The following PCDH9 variants were observed in gnomAD, a reference collection of about 807,000 sequenced individuals.
The protein encoded by PCDH9 is protocadherin-9.
Under a neutral mutation model 70.6 loss-of-function variants are expected in PCDH9, and 24 were observed. The observed-to-expected ratio is 0.34, with a 90% CI of 0.25 to 0.48. The LOEUF is 0.48. Among genes scored for constraint, PCDH9 ranks in the 20% least tolerant of loss-of-function variants. PCDH9 has a pLI of 0.99. For synonymous variants in PCDH9, 562 were observed against 558.5 expected, an observed-to-expected ratio of 1.01 and a Z score of -0.09; for missense variants, 1,281 against 1,503.6, an observed-to-expected ratio of 0.85 and a Z score of 2.45.
intron 4 of PCDH9, among the ~76,000 whole-genome samples, chr13:66,491,900 T>G (rs1306845245): frequency 6.6e-6 from 1 of 152,150 alleles, no homozygotes; most frequent in Non-Finnish European, 1.5e-5. Flanking sequence ...ACTGTGATAC[T>G]GGTAGGCCCC....
chr13:66,488,808 T>C (rs753711352), intron 4 of PCDH9, among the ~76,000 whole-genome samples: 4 of 152,182 alleles, frequency 2.6e-5, no homozygotes, highest in Non-Finnish European at 4.4e-5. Context: ...AAAGTGCTAG[T>C]AATCCATCTT....
At chr13:66,991,030 C>T (rs367882917) in intron 2 of PCDH9, 2 of 151,914 alleles carry the variant, frequency 1.3e-5, no homozygotes, top group Non-Finnish European at 2.9e-5. Flanking sequence ...TTAATATTAG[C>T]GGGTTTTTAG....
chr13:67,199,592 C>G (rs1593607940), intron 2 of PCDH9, among the ~76,000 whole-genome samples: 1 of 151,712 alleles, frequency 6.6e-6, no homozygotes, highest in South Asian at 2.1e-4. Flanking sequence ...AATTACAGCT[C>G]ATGAAAAAAT....
At chr13:66,541,135 T>C (rs567602318) in intron 4 of PCDH9, among the ~76,000 whole-genome samples, 6 of 152,160 alleles carry the variant, frequency 3.9e-5, no homozygotes, top group Non-Finnish European at 8.8e-5. Flanking sequence ...ATTACACTTA[T>C]CCATTTCACT....
chr13:66,356,945 A>C (rs1466126875), intron 4 of PCDH9, among the ~76,000 whole-genome samples: 7 of 152,010 alleles, frequency 4.6e-5, no homozygotes, highest in Non-Finnish European at 1.0e-4. Context: ...GACATTGTAG[A>C]CTTGAAAAAG....
intron 3 of PCDH9, among the ~76,000 whole-genome samples, chr13:66,639,874 G>A (rs1051714507): frequency 6.6e-5 from 10 of 152,074 alleles, no homozygotes; most frequent in Non-Finnish European, 1.5e-4. Flanking sequence ...TGCCCAGTAG[G>A]AATGTGGTAC....
chr13:67,174,856 T>C (rs1013526253), intron 2 of PCDH9, among the ~76,000 whole-genome samples: 1 of 151,880 alleles, frequency 6.6e-6, no homozygotes, highest in Non-Finnish European at 1.5e-5. Flanking sequence ...CTTTGTTAAA[T>C]TAAATTCAAT....
rs2077652183 is a variant in PCDH9, at chr13:66,637,388, T to A, written c.3139-5977A>T. 3.3e-5 allele frequency among the ~76,000 whole-genome samples: 5 copies of A among 152,216 alleles called. No homozygotes were observed. The South Asian group carries it at 1.0e-3, about 31-fold the overall frequency. On this transcript the variant is annotated intron_variant, in intron 3 of 4. Transcript: ENST00000377865. The stretch of plus-strand genomic sequence containing the variant: ...TTTATGGAAATTACTAGTACCTATG[T>A]GTGTTCATTCTCAAGAATAATAAAT...
chr13:66,890,612 G>C (rs1312247746), intron 3 of PCDH9, among the ~76,000 whole-genome samples: 1 of 151,952 alleles, frequency 6.6e-6, no homozygotes, highest in Non-Finnish European at 1.5e-5. Flanking sequence ...AATTCATCAA[G>C]AAAGATAGCA....
intron 4 of PCDH9, among the ~76,000 whole-genome samples, chr13:66,482,547 C>T (rs1233032236): frequency 1.3e-5 from 2 of 152,256 alleles, no homozygotes; most frequent in East Asian, 3.9e-4. Context: ...TTAAACAACA[C>T]ACAATTTATC....
intron 3 of PCDH9, among the ~76,000 whole-genome samples, chr13:66,648,716 C>T (rs1269912655): frequency 2.0e-5 from 3 of 151,688 alleles, no homozygotes; most frequent in Non-Finnish European, 4.4e-5. Flanking sequence ...TCTCACCTCA[C>T]TAAAAAAAAC....
chr13:67,145,053 C>A (rs1291322748), intron 2 of PCDH9, among the ~76,000 whole-genome samples: 2 of 152,028 alleles, frequency 1.3e-5, no homozygotes, highest in Non-Finnish European at 2.9e-5. Flanking sequence ...GATTCCCTGT[C>A]ATCATTAGTA....
chr13:66,675,192 A>G (rs1000423759), intron 3 of PCDH9, among the ~76,000 whole-genome samples: 9 of 152,118 alleles, frequency 5.9e-5, no homozygotes, highest in African/African-American at 2.2e-4. Flanking sequence ...TTGAGTTTCA[A>G]TTCTCTAAGC....
chr13:66,534,879 C>G (rs563744318), intron 4 of PCDH9, among the ~76,000 whole-genome samples: 1 of 152,180 alleles, frequency 6.6e-6, no homozygotes, highest in South Asian at 2.1e-4. Flanking sequence ...AAAAATAGCT[C>G]TTGTCAACTG....
chr13:67,026,746 C>G (rs1203609089), intron 2 of PCDH9, among the ~76,000 whole-genome samples: 2 of 151,922 alleles, frequency 1.3e-5, no homozygotes, highest in East Asian at 3.9e-4. Context: ...GTACAAAAAT[C>G]ACAAGCATTC....
At chr13:66,818,301 T>C (rs903067710) in intron 3 of PCDH9, among the ~76,000 whole-genome samples, 2 of 152,206 alleles carry the variant, frequency 1.3e-5, no homozygotes, top group Non-Finnish European at 2.9e-5. Context: ...CATTTTATAT[T>C]TGTATTGCTG....
At chr13:66,591,708 T>TA (rs575070655) in intron 4 of PCDH9, among the ~76,000 whole-genome samples, 55 of 151,152 alleles carry the variant, frequency 3.6e-4, no homozygotes, top group Non-Finnish European at 6.7e-4. Flanking sequence ...AATAAGCCAT[T>TA]AAAAAAAACC....
At chr13:66,898,678 C>T (rs770863657) in intron 3 of PCDH9, among the ~76,000 whole-genome samples, 2 of 151,746 alleles carry the variant, frequency 1.3e-5, no homozygotes, top group African/African-American at 4.8e-5. Context: ...AATCAGATTT[C>T]GTGTATGAAT....
chr13:66,566,930 A>G (rs1370467898), intron 4 of PCDH9, among the ~76,000 whole-genome samples: 1 of 152,182 alleles, frequency 6.6e-6, no homozygotes, highest in Admixed American at 6.5e-5. Flanking sequence ...TATTGCAATT[A>G]GTAAGCTGTG....
Sources: gnomAD v4.1 joint callset for allele counts (sites outside exome capture counted in the v4.1 genomes callset) on GRCh38, gnomAD v4.1.1 for gene constraint, MANE v1.5 for transcripts, NCBI Gene and HGNC (gene_info 2026-07-23, HGNC 2026-07-21) for gene names.